KIF13A: variants seen among roughly 807,000 people sequenced by gnomAD.
The protein encoded by KIF13A is kinesin family member 13A.
In KIF13A, 79 loss-of-function variants were observed where a neutral mutation model predicts 212.2. The observed-to-expected ratio is 0.37, with a 90% CI of 0.31 to 0.45. The LOEUF (loss-of-function observed/expected upper bound fraction) is 0.45. Ranked by LOEUF, KIF13A falls within the 20% of genes least tolerant of loss-of-function variation. The pLI is 1.00. For missense variants in KIF13A, 1,901 were observed against 2,209.0 expected (o/e 0.86, Z 2.79); for synonymous variants, 789 against 808.6 (o/e 0.98, Z 0.41).
intron 32 of KIF13A, among the ~76,000 whole-genome samples, 194 bp from the exon 33 acceptor site, chr6:17,779,293 CAG>C (rs1760306363): frequency 9.1e-6 from 1 of 109,634 alleles, no homozygotes; most frequent in South Asian, 3.0e-4. Flanking sequence ...TTTTTTGAGA[CAG>C]AGTTTCGCTC....
chr6:17,952,855 G>A (rs933142539), intron 2 of KIF13A, among the ~76,000 whole-genome samples: 5 of 151,956 alleles, frequency 3.3e-5, no homozygotes, highest in Admixed American at 1.3e-4. Flanking sequence ...GCGCGAACCC[G>A]GGAGGCAGAG....
chr6:17,766,388 C>T (rs1758988320), intron 38 of KIF13A, among the ~76,000 whole-genome samples: 2 of 151,386 alleles, frequency 1.3e-5, no homozygotes, highest in Non-Finnish European at 1.5e-5. Context: ...TACAGGCATG[C>T]GCCAGCATGC....
At chr6:17,981,197 G>C (rs564715885) in intron 2 of KIF13A, among the ~76,000 whole-genome samples, 1 of 151,316 alleles carries the variant, frequency 6.6e-6, no homozygotes, top group African/African-American at 2.4e-5. Context: ...GAAATAATTC[G>C]GTAAGACATA....
Position 17,769,788 on chromosome 6 carries a change from T to TGA in KIF13A, c.4581+1325_4581+1326insTC, listed in dbSNP as rs1759328543. Among the ~76,000 whole-genome samples the TGA allele has an allele frequency of 6.6e-6, 1 of 152,152 alleles. No individual in the cohort carries two copies. The highest frequency in any genetic ancestry group is 2.4e-5 in the African/African-American group (1 of 41,420). On this transcript the variant is annotated intron_variant, in intron 38 of 38. Coordinates refer to ENST00000259711, the MANE Select transcript of KIF13A (RefSeq NM_022113.6). The surrounding 1 kb of genome is among the most constrained non-coding windows in gnomAD (Gnocchi z 5.8). ...GTCATTTGGCCTTTTTAGCCCACAC[T>TGA]GCAGCCCTTATTAATTGAGCAGAGG...
Position 17,764,759 on chromosome 6 carries a change from G to C in KIF13A, c.4769C>G (p.Pro1590Arg). 2.5e-6 allele frequency: 4 copies of C among 1,613,030 alleles called. No individual in the cohort carries two copies. Among genetic ancestry groups the C allele is most frequent in the Non-Finnish European group, 3.4e-6 (4 of 1,179,484 alleles). The change falls in exon 39 of 39, where the codon CCT becomes CGT. Residue 1590 changes from proline (P) to arginine (R), a missense_variant. By Grantham distance (103) the Pro-to-Arg change is moderately radical (BLOSUM62 -2). Transcript: ENST00000259711. This position sits in a 1 kb window ranked among gnomAD's most constrained non-coding sequence, Gnocchi z 5.1. Reference sequence around the variant, plus strand: ...GCCACTGGTAATACTGCTGGTGGTAGGGCTACGGGACACTTCTTTCTCCAA... The same window carrying C: ...GCCACTGGTAATACTGCTGGTGGTACGGCTACGGGACACTTCTTTCTCCAA... ...RVLEKEVSRS[P>R]TTSSITSGYF...
At chr6:17,866,224 C>G (rs543952325) in intron 4 of KIF13A, among the ~76,000 whole-genome samples, 104 of 152,254 alleles carry the variant, frequency 6.8e-4, no homozygotes, top group African/African-American at 2.4e-3. Context: ...GGATTGTGGG[C>G]TGCACAATAT....
chr6:17,799,522 C>A lies in KIF13A; in HGVS notation c.2617-83G>T, dbSNP rs991713913. The A allele has an allele frequency of 1.4e-5, 16 of 1,163,454 alleles. No individual in the cohort carries two copies. Among genetic ancestry groups the A allele is most frequent in the South Asian group, 3.6e-5 (2 of 55,892 alleles). 72.1% of individuals were successfully genotyped at this position (1,163,454 alleles called of 1,614,324 possible). ...CAGCTACCTCAAATTTAAGAGTAAG[C>A]GATGAAACAAATTGGTCATCCATTT... On this transcript the variant is annotated intron_variant, in intron 21 of 38. Coordinates refer to ENST00000259711, the MANE Select transcript of KIF13A (RefSeq NM_022113.6). This position sits in a 1 kb window ranked among gnomAD's most constrained non-coding sequence, Gnocchi z 4.4.
intron 2 of KIF13A, among the ~76,000 whole-genome samples, chr6:17,921,564 C>A (rs534756534): frequency 2.6e-4 from 40 of 152,326 alleles, no homozygotes; most frequent in Non-Finnish European, 4.1e-4. Flanking sequence ...GCACTTTGAT[C>A]ATTTCCATTG....
At chr6:17,796,517 G>A (rs1762047637) in intron 23 of KIF13A, among the ~76,000 whole-genome samples, 152 bp downstream of exon 23, 1 of 150,574 alleles carries the variant, frequency 6.6e-6, no homozygotes, top group African/African-American at 2.4e-5. Flanking sequence ...CTGGATTACA[G>A]GCATGAGCCA....
At chr6:17,960,428 C>A (rs1204294668) in intron 2 of KIF13A, among the ~76,000 whole-genome samples, 2 of 152,162 alleles carry the variant, frequency 1.3e-5, no homozygotes, top group Non-Finnish European at 2.9e-5. Context: ...GATGTTTTTG[C>A]TAAGCAAACT....
chr6:17,917,160 T>A (rs1269127318), intron 2 of KIF13A, among the ~76,000 whole-genome samples: 1 of 151,510 alleles, frequency 6.6e-6, no homozygotes, highest in Non-Finnish European at 1.5e-5. Flanking sequence ...TTTACTCACA[T>A]ATTCTACTCT....
At position 17,783,587 on chromosome 6, in the gene KIF13A, G is replaced by C; in HGVS notation, c.3544+59C>G. ...TAAGGATCAAAATAATGTGAATCTGGATAGATTACAAACCTTAGTTAAATA... is the reference window on the plus strand; with the variant it reads ...TAAGGATCAAAATAATGTGAATCTGCATAGATTACAAACCTTAGTTAAATA... On this transcript the variant is annotated intron_variant, in intron 29 of 38. Coordinates refer to ENST00000259711, the MANE Select transcript of KIF13A (RefSeq NM_022113.6). The surrounding 1 kb of genome is among the most constrained non-coding windows in gnomAD (Gnocchi z 4.3). 2 of 1,087,582 alleles carry C rather than the reference G, an allele frequency of 1.8e-6. No individual in the cohort carries two copies. Among genetic ancestry groups the C allele is most frequent in the South Asian group, 2.7e-5 (2 of 74,656 alleles). 67.4% of individuals were successfully genotyped at this position (1,087,582 alleles called of 1,614,324 possible). A position where few individuals can be genotyped will look rare whatever the true frequency, so the allele number is the denominator to read the frequency against.
chr6:17,966,999 G>A, intron 2 of KIF13A, among the ~76,000 whole-genome samples: 1 of 152,134 alleles, frequency 6.6e-6, no homozygotes, highest in East Asian at 1.9e-4. Context: ...CTTAATTAGG[G>A]AAAGAAAATA....
chr6:17,917,211 G>A (rs1375754607), intron 2 of KIF13A, among the ~76,000 whole-genome samples: 1 of 148,920 alleles, frequency 6.7e-6, no homozygotes, highest in Non-Finnish European at 1.5e-5. Context: ...ACATTATTGA[G>A]CATATTCTAC....
At chr6:17,835,595 AAT>A (rs1765883061) in intron 11 of KIF13A, among the ~76,000 whole-genome samples, 1 of 152,206 alleles carries the variant, frequency 6.6e-6, no homozygotes, top group Non-Finnish European at 1.5e-5. Flanking sequence ...TTCTAGTATC[AAT>A]GTTAGGCTAG....
chr6:17,806,147 G>A (rs1223961522), intron 18 of KIF13A, among the ~76,000 whole-genome samples: 1 of 151,900 alleles, frequency 6.6e-6, no homozygotes, highest in Non-Finnish European at 1.5e-5. Flanking sequence ...TGCCCGGGCT[G>A]GTCTCGAACT....
chr6:17,904,054 G>A (rs1051749504), intron 2 of KIF13A, among the ~76,000 whole-genome samples: 3 of 152,062 alleles, frequency 2.0e-5, no homozygotes, highest in Non-Finnish European at 4.4e-5. Flanking sequence ...CTACATTGGA[G>A]CCTGAGGCAG....
At chr6:17,873,243 T>C (rs1200001778) in intron 4 of KIF13A, 134 bp downstream of exon 4, 2 of 592,958 alleles carry the variant, frequency 3.4e-6, no homozygotes, top group African/African-American at 3.9e-5. Context: ...ACTTCAAAAC[T>C]CATGTGGTAT....
Position 17,872,300 on chromosome 6 carries a change from A to G in KIF13A, c.220+1077T>C, listed in dbSNP as rs1770088449. On this transcript the variant is annotated intron_variant, in intron 4 of 38. Transcript: ENST00000259711. This position sits in a 1 kb window ranked among gnomAD's most constrained non-coding sequence, Gnocchi z 4.7. ...ATGTGCTTTTACCTCCAAATCTTTTAAGGCCAATATCCTCCCTTCATTTTT... is the reference window on the plus strand; with the variant it reads ...ATGTGCTTTTACCTCCAAATCTTTTGAGGCCAATATCCTCCCTTCATTTTT... Among the ~76,000 whole-genome samples, 1 of 152,210 alleles carries G rather than the reference A, an allele frequency of 6.6e-6. No individual in the cohort carries two copies. Among genetic ancestry groups the G allele is most frequent in the Non-Finnish European group, 1.5e-5 (1 of 68,022 alleles).
Sources: allele counts gnomAD v4.1 joint callset (sites outside exome capture counted in the v4.1 genomes callset), GRCh38; gene constraint gnomAD v4.1.1; non-coding constraint Gnocchi (gnomAD v3.1); transcripts MANE v1.5; gene names NCBI Gene and HGNC (gene_info 2026-07-23, HGNC 2026-07-21).